DCUN1D5: variants seen among roughly 807,000 people sequenced by gnomAD.
DCUN1D5 encodes the protein defective in cullin neddylation 1 domain containing 5, also known as DCN1-like protein 5.
A neutral mutation model predicts 38.3 loss-of-function variants in DCUN1D5; 10 were observed. That is an observed-to-expected ratio of 0.26 (90% confidence interval 0.16 to 0.44). DCUN1D5 has a LOEUF of 0.44. Among genes scored for constraint, DCUN1D5 ranks in the 20% least tolerant of loss-of-function variants. The pLI is 1.00. For missense variants in DCUN1D5, 148 were observed against 275.3 expected, an observed-to-expected ratio of 0.54 and a Z score of 3.27; for synonymous variants, 93 against 90.9, an observed-to-expected ratio of 1.02 and a Z score of -0.13.
At chr11:103,080,088 A>C (rs909098648) in intron 4 of DCUN1D5, 1 of 152,208 alleles carries the variant, frequency 6.6e-6, no homozygotes, top group Non-Finnish European at 1.5e-5. Flanking sequence ...TGATTATTAC[A>C]GTCTACTATC....
rs550812280 is a variant in DCUN1D5, at chr11:103,052,481, C to G, written c.*9878G>C. On this transcript the variant is annotated 3_prime_UTR_variant, in exon 8 of 8. Transcript: ENST00000260247. ...AATAACATGGTCTCTGTTCACAGAG[C>G]TGTTTCCTTTTTAAGGATCATAATC... is the stretch of plus-strand genomic sequence containing the variant. 7.2e-5 allele frequency: 11 copies of G among 152,288 alleles called. No homozygotes were observed. Among genetic ancestry groups the G allele is most frequent in the Admixed American group, 4.6e-4 (7 of 15,286 alleles). The allele number at this position is 152,288 out of a possible 1,614,324, so 9.4% of individuals were successfully genotyped here. A position where few individuals can be genotyped will look rare whatever the true frequency, so the allele number is the denominator to read the frequency against.
Position 103,078,814 on chromosome 11 carries a change from C to T in DCUN1D5, c.341+3934G>A, listed in dbSNP as rs746805650. Among the ~76,000 whole-genome samples, 2 of 152,224 alleles carry T rather than the reference C, an allele frequency of 1.3e-5. No homozygotes were observed. The highest frequency in any genetic ancestry group is 6.5e-5 in the Admixed American group (1 of 15,288). On this transcript the variant is annotated intron_variant, in intron 4 of 7. Coordinates refer to ENST00000260247, the MANE Select transcript of DCUN1D5 (RefSeq NM_032299.4). This position sits in a 1 kb window ranked among gnomAD's most constrained non-coding sequence, Gnocchi z 4.6. ...TCCTGTATCCTCAACAAACAAAATC[C>T]TAATCATTCTTCATGTTCTAGTTCA...
chr11:103,083,705 T>G lies in DCUN1D5; in HGVS notation c.179-379A>C, dbSNP rs2134632065. ...AAAACATAAGGCAGCTGGAGCTTCT[T>G]AATCTACTGGAATATCAGAACCAAC... On this transcript the variant is annotated intron_variant, in intron 2 of 7. Coordinates refer to ENST00000260247, the MANE Select transcript of DCUN1D5 (RefSeq NM_032299.4). This position sits in a 1 kb window ranked among gnomAD's most constrained non-coding sequence, Gnocchi z 4.4. Among the ~76,000 whole-genome samples the G allele has an allele frequency of 6.6e-6, 1 of 152,192 alleles. No homozygotes were observed. The highest frequency in any genetic ancestry group is 2.4e-5 in the African/African-American group (1 of 41,558).
In DCUN1D5 at chr11:103,078,341, G is replaced by A. The variant is rs1291436454; in HGVS notation, c.341+4407C>T. ...GTACACTATGCCAGAACAAAAACTC[G>A]CCAAGTATCCTTGAAACCTCGTATC... is the stretch of plus-strand genomic sequence containing the variant. On this transcript the variant is annotated intron_variant, in intron 4 of 7. Coordinates refer to ENST00000260247, the MANE Select transcript of DCUN1D5 (RefSeq NM_032299.4). This position sits in a 1 kb window ranked among gnomAD's most constrained non-coding sequence, Gnocchi z 4.6. 9.2e-5 allele frequency among the ~76,000 whole-genome samples: 14 copies of A among 152,250 alleles called. No individual in the cohort carries two copies. Among genetic ancestry groups the A allele is most frequent in the Middle Eastern group, 3.4e-3 (1 of 294 alleles).
intron 2 of DCUN1D5, among the ~76,000 whole-genome samples, chr11:103,084,990 AAAAT>A (rs969009973): frequency 4.6e-5 from 7 of 152,204 alleles, no homozygotes; most frequent in African/African-American, 1.7e-4. Flanking sequence ...GTCTCAAAAA[AAAAT>A]AAAAAATAAA....
chr11:103,067,547 C>T (rs992120695), intron 4 of DCUN1D5, among the ~76,000 whole-genome samples: 3 of 152,128 alleles, frequency 2.0e-5, no homozygotes, highest in African/African-American at 4.8e-5. Flanking sequence ...TACTGTGGTC[C>T]ACAGTATTCC....
rs985847522 is a variant in DCUN1D5 at position 103,087,881 on chromosome 11, T to C, written c.178+1346A>G. Among the ~76,000 whole-genome samples, 1 of 152,112 alleles carries C rather than the reference T, an allele frequency of 6.6e-6. No homozygotes were observed. The highest frequency in any genetic ancestry group is 1.5e-5 in the Non-Finnish European group (1 of 68,012). ...TATTGTATCTAGTAACCTTTATAAG[T>C]GAAATAAGATGGGTGACCTTTTGAT... is the stretch of plus-strand genomic sequence containing the variant. On this transcript the variant is annotated intron_variant, in intron 2 of 7. Coordinates refer to ENST00000260247, the MANE Select transcript of DCUN1D5 (RefSeq NM_032299.4). The surrounding 1 kb of genome is among the most constrained non-coding windows in gnomAD (Gnocchi z 4.1).
rs1862014582 is a variant in DCUN1D5 at position 103,061,692 on chromosome 11, C to T, written c.*667G>A. On this transcript the variant is annotated 3_prime_UTR_variant, in exon 8 of 8. Transcript: ENST00000260247. ...ATTATCAACAATAATAATGATGATA[C>T]AACTTAATAATACAACTTTTTTAGA... Among the ~76,000 whole-genome samples the T allele has an allele frequency of 6.7e-6, 1 of 149,496 alleles. No individual in the cohort carries two copies. The highest frequency in any genetic ancestry group is 2.1e-4 in the South Asian group (1 of 4,740).
rs952493162 is a variant in DCUN1D5, at chr11:103,064,928, T to C, written c.556-551A>G. ...ATTCAAAATGGTATTATAAAGATTT[T>C]TAAAAATATATGCCAAACAACCTGC... On this transcript the variant is annotated intron_variant, in intron 6 of 7. Transcript: ENST00000260247. This position sits in a 1 kb window ranked among gnomAD's most constrained non-coding sequence, Gnocchi z 4.5. 6.6e-6 allele frequency among the ~76,000 whole-genome samples: 1 copy of C among 152,194 alleles called. No individual in the cohort carries two copies. The highest frequency in any genetic ancestry group is 6.5e-5 in the Admixed American group (1 of 15,278).
At position 103,066,182 on chromosome 11, in the gene DCUN1D5, T is replaced by TAAAG. The variant is rs1862130901; in HGVS notation, c.555+86_555+87insCTTT. Reference sequence around the variant, plus strand: ...TCTCTAAAGTTTTTTTAAAGCATACTATTAAAAATCTACTTGTTCCTCAAA... The same window carrying TAAAG: ...TCTCTAAAGTTTTTTTAAAGCATACTAAAGATTAAAAATCTACTTGTTCCTCAAA... On this transcript the variant is annotated intron_variant, in intron 6 of 7. Coordinates refer to ENST00000260247, the MANE Select transcript of DCUN1D5 (RefSeq NM_032299.4). This position sits in a 1 kb window ranked among gnomAD's most constrained non-coding sequence, Gnocchi z 4.7. The TAAAG allele has an allele frequency of 7.5e-6, 6 of 804,330 alleles. No individual in the cohort carries two copies. Among genetic ancestry groups the TAAAG allele is most frequent in the Non-Finnish European group, 1.1e-5 (6 of 537,536 alleles). The allele number at this position is 804,330 out of a possible 1,614,324, so 49.8% of individuals were successfully genotyped here.
intron 4 of DCUN1D5, among the ~76,000 whole-genome samples, chr11:103,075,285 G>C (rs970265626): frequency 2.0e-5 from 3 of 152,026 alleles, no homozygotes; most frequent in Admixed American, 6.6e-5. Context: ...GTTTCTTCAG[G>C]GTAAATGTCA....
rs1362114609 is a variant in DCUN1D5, at chr11:103,091,616, G to C, written c.86+171C>G. The C allele has an allele frequency of 8.4e-7, 1 of 1,193,182 alleles. No individual in the cohort carries two copies. The highest frequency in any genetic ancestry group is 1.2e-6 in the Non-Finnish European group (1 of 838,282). The allele number at this position is 1,193,182 out of a possible 1,614,324, so 73.9% of individuals were successfully genotyped here. ...CCAGCGTGCACACACTCGAACACGA[G>C]GTCGGGTCGGGCGCGGAGACTCGCG... On this transcript the variant is annotated intron_variant, in intron 1 of 7. Coordinates refer to ENST00000260247, the MANE Select transcript of DCUN1D5 (RefSeq NM_032299.4). This position sits in a 1 kb window ranked among gnomAD's most constrained non-coding sequence, Gnocchi z 4.3.
At chr11:103,076,005 T>G (rs1351889004) in intron 4 of DCUN1D5, among the ~76,000 whole-genome samples, 1 of 152,196 alleles carries the variant, frequency 6.6e-6, no homozygotes. Flanking sequence ...CATGCCACTA[T>G]AATGTTTGAA....
intron 4 of DCUN1D5, among the ~76,000 whole-genome samples, chr11:103,075,387 G>GTT (rs777871689): frequency 1.4e-5 from 2 of 146,530 alleles, no homozygotes; most frequent in Non-Finnish European, 1.5e-5. Context: ...CTTTTAAAAA[G>GTT]TTTTTTTTTT....
rs756796424 is a variant in DCUN1D5, at chr11:103,062,288, T to G, written c.*71A>C. 1 of 1,442,658 alleles carries G rather than the reference T, an allele frequency of 6.9e-7. No individual in the cohort carries two copies. The highest frequency in any genetic ancestry group is 9.7e-7 in the Non-Finnish European group (1 of 1,034,864). The allele number at this position is 1,442,658 out of a possible 1,614,324, so 89.4% of individuals were successfully genotyped here. A position where few individuals can be genotyped will look rare whatever the true frequency, so the allele number is the denominator to read the frequency against. On this transcript the variant is annotated 3_prime_UTR_variant, in exon 8 of 8. Transcript: ENST00000260247. The surrounding 1 kb of genome is among the most constrained non-coding windows in gnomAD (Gnocchi z 4.6). ...ATGAAAATGCACCCGTTGGATTTTT[T>G]TCCCCCTCATCACATTAGCTTGTAT... is the stretch of plus-strand genomic sequence containing the variant.
Position 103,060,761 on chromosome 11 carries a change from T to G in DCUN1D5, c.*1598A>C, listed in dbSNP as rs1446857162. Reference sequence around the variant, plus strand: ...TGGAATTTAACAAAAGTGGATATGTTCTTCAGTTCAGATGTGCCTTGAAGA... The same window carrying G: ...TGGAATTTAACAAAAGTGGATATGTGCTTCAGTTCAGATGTGCCTTGAAGA... On this transcript the variant is annotated 3_prime_UTR_variant, in exon 8 of 8. Coordinates refer to ENST00000260247, the MANE Select transcript of DCUN1D5 (RefSeq NM_032299.4). 6.6e-6 allele frequency among the ~76,000 whole-genome samples: 1 copy of G among 152,184 alleles called. No homozygotes were observed. The highest frequency in any genetic ancestry group is 2.4e-5 in the African/African-American group (1 of 41,444).
rs1025799992 is a variant in DCUN1D5 at position 103,057,181 on chromosome 11, T to G, written c.*5178A>C. On this transcript the variant is annotated 3_prime_UTR_variant, in exon 8 of 8. Transcript: ENST00000260247. This position sits in a 1 kb window ranked among gnomAD's most constrained non-coding sequence, Gnocchi z 4.8. ...TGAACTTGCTCTAAGCCATTTTATT[T>G]GCATGACAGAATAGTAAAGTATATA... Among the ~76,000 whole-genome samples, 3 of 152,226 alleles carry G rather than the reference T, an allele frequency of 2.0e-5. No individual in the cohort carries two copies. The highest frequency in any genetic ancestry group is 4.8e-5 in the African/African-American group (2 of 41,462).
chr11:103,062,953 C>T lies in DCUN1D5; in HGVS notation c.659-539G>A, dbSNP rs1253539431. Among the ~76,000 whole-genome samples the T allele has an allele frequency of 6.6e-6, 1 of 152,064 alleles. No homozygotes were observed. Among genetic ancestry groups the T allele is most frequent in the African/African-American group, 2.4e-5 (1 of 41,406 alleles). ...CGTAGGGGAGGTCCAAACTCATTTG[C>T]TGACAGAGCCAAGTAGGCAGTTTAA... On this transcript the variant is annotated intron_variant, in intron 7 of 7. Transcript: ENST00000260247. This position sits in a 1 kb window ranked among gnomAD's most constrained non-coding sequence, Gnocchi z 4.6.
At chr11:103,089,604 A>G (rs1251870875) in intron 1 of DCUN1D5, among the ~76,000 whole-genome samples, 1 of 152,210 alleles carries the variant, frequency 6.6e-6, no homozygotes, top group Non-Finnish European at 1.5e-5. Flanking sequence ...AAAGAAGTTC[A>G]ACCTAGTAGG....
Sources: gnomAD v4.1 joint callset for allele counts (sites outside exome capture counted in the v4.1 genomes callset) on GRCh38, gnomAD v4.1.1 for gene constraint, Gnocchi (gnomAD v3.1) non-coding constraint, MANE v1.5 for transcripts, NCBI Gene and HGNC (gene_info 2026-07-23, HGNC 2026-07-21) for gene names.